ATP6V1H: variants seen among roughly 807,000 people sequenced by gnomAD.
ATP6V1H encodes ATPase H+ transporting V1 subunit H, also known as V-type proton ATPase subunit H.
ATP6V1H carries 39 observed loss-of-function variants against 71.7 expected under a neutral mutation model. The observed-to-expected ratio is 0.54, with a 90% CI of 0.42 to 0.71. The LOEUF (loss-of-function observed/expected upper bound fraction) is 0.71, where lower values mean the gene tolerates loss of function less well. Among genes scored for constraint, ATP6V1H ranks in the 30% least tolerant of loss-of-function variants. The pLI is 0.00. For synonymous variants in ATP6V1H, 192 were observed against 199.3 expected, an observed-to-expected ratio of 0.96 and a Z score of 0.31; for missense variants, 509 against 594.9, an observed-to-expected ratio of 0.86 and a Z score of 1.50.
chr8:53,814,088 G>C (rs983857830), intron 6 of ATP6V1H, among the ~76,000 whole-genome samples: 2 of 152,156 alleles, frequency 1.3e-5, no homozygotes, highest in African/African-American at 4.8e-5. Flanking sequence ...GTGGCACCCA[G>C]GACCAGTTTG....
At chr8:53,767,213 T>A (rs1314791341) in intron 11 of ATP6V1H, among the ~76,000 whole-genome samples, 2 of 152,222 alleles carry the variant, frequency 1.3e-5, no homozygotes, top group Non-Finnish European at 2.9e-5. Context: ...GCAAACTATG[T>A]ATGAATTTTA....
intron 13 of ATP6V1H, among the ~76,000 whole-genome samples, chr8:53,720,369 T>C (rs1234768437): frequency 6.6e-6 from 1 of 152,160 alleles, no homozygotes; most frequent in Non-Finnish European, 1.5e-5. Context: ...AGAGTTTACA[T>C]CTGATGAAGA....
intron 4 of ATP6V1H, among the ~76,000 whole-genome samples, chr8:53,820,296 A>G (rs866921156): frequency 5.3e-5 from 8 of 151,894 alleles, no homozygotes; most frequent in African/African-American, 9.7e-5. Flanking sequence ...GTTTAAAAAA[A>G]AAGAAGAAGA....
intron 9 of ATP6V1H, among the ~76,000 whole-genome samples, chr8:53,775,466 C>T (rs957465195): frequency 1.3e-5 from 2 of 152,140 alleles, no homozygotes; most frequent in Admixed American, 6.5e-5. Context: ...TTTGACAGGG[C>T]GCTGATTGGT....
At chr8:53,762,828 A>T (rs954090707) in intron 11 of ATP6V1H, among the ~76,000 whole-genome samples, 1 of 150,306 alleles carries the variant, frequency 6.7e-6, no homozygotes, top group Non-Finnish European at 1.5e-5. Flanking sequence ...GTCCACTTAC[A>T]CATGGATTTT....
chr8:53,798,873 T>C (rs72655186), intron 8 of ATP6V1H, among the ~76,000 whole-genome samples: 4,118 of 152,276 alleles, frequency 0.027, 79 homozygotes, highest in Non-Finnish European at 0.037. Flanking sequence ...TTTATCCTGA[T>C]CTTTTTGCTG....
At chr8:53,804,924 A>C (rs1027224395) in intron 7 of ATP6V1H, among the ~76,000 whole-genome samples, 3 of 152,212 alleles carry the variant, frequency 2.0e-5, no homozygotes, top group Non-Finnish European at 4.4e-5. Context: ...TATTACAGTG[A>C]AAGTCACAAC....
chr8:53,775,801 A>G (rs1382651088), intron 9 of ATP6V1H, among the ~76,000 whole-genome samples: 1 of 152,240 alleles, frequency 6.6e-6, no homozygotes, highest in Non-Finnish European at 1.5e-5. Context: ...AAGACTCTCC[A>G]CGTCCCCACC....
intron 9 of ATP6V1H, among the ~76,000 whole-genome samples, chr8:53,791,636 A>G (rs1809567072): frequency 6.6e-6 from 1 of 152,216 alleles, no homozygotes; most frequent in Non-Finnish European, 1.5e-5. Flanking sequence ...CACTTCCAAG[A>G]TAACTATTCC....
At position 53,841,663 on chromosome 8, in the gene ATP6V1H, C is replaced by T; in HGVS notation, c.28G>A (p.Val10Met). The stretch of plus-strand genomic sequence containing the variant: ...ATATTGGTGGGGACAGCAGCATCCA[C>T]AGCACCTCGGATATCCATTTTGGTC... MTKMDIRGAVDAAVPTNIIA... is the reference protein window; with the variant it reads MTKMDIRGAMDAAVPTNIIA... The change falls in exon 2 of 14, where the codon GTG becomes ATG. Residue 10 changes from valine (V) to methionine (M), a missense_variant. By Grantham distance (21) the Val-to-Met change is conservative. Coordinates refer to ENST00000359530, the MANE Select transcript of ATP6V1H (RefSeq NM_015941.4). 6.2e-7 allele frequency: 1 copy of T among 1,614,076 alleles called. No homozygotes were observed.
chr8:53,724,645 G>T (rs546107772), intron 13 of ATP6V1H, among the ~76,000 whole-genome samples: 1 of 139,572 alleles, frequency 7.2e-6, no homozygotes, highest in Non-Finnish European at 1.5e-5. Context: ...CCCCAGGGAC[G>T]GCAGTGCGCT....
At chr8:53,762,671 T>C (rs1721531786) in intron 11 of ATP6V1H, among the ~76,000 whole-genome samples, 1 of 152,052 alleles carries the variant, frequency 6.6e-6, no homozygotes, top group African/African-American at 2.4e-5. Flanking sequence ...CACATTTGCA[T>C]AGGAGAGGTT....
In ATP6V1H at chr8:53,780,324, C is replaced by T. The variant is rs534775078; in HGVS notation, c.871-8157G>A. On this transcript the variant is annotated intron_variant, in intron 9 of 13. Coordinates refer to ENST00000359530, the MANE Select transcript of ATP6V1H (RefSeq NM_015941.4). ...CAAAGATTAGTCATTTTTGATTTTC[C>T]CTTTTTCGTCAACTTTGTCAAATCA... Among the ~76,000 whole-genome samples, 3 of 152,076 alleles carry T rather than the reference C, an allele frequency of 2.0e-5. No individual in the cohort carries two copies. The South Asian group carries it at 6.2e-4, about 32-fold the overall frequency.
At position 53,766,904 on chromosome 8, in the gene ATP6V1H, T is replaced by C. The variant is rs572727245; in HGVS notation, c.1175+2714A>G. On this transcript the variant is annotated intron_variant, in intron 11 of 13. Transcript: ENST00000359530. The stretch of plus-strand genomic sequence containing the variant: ...CCTTAGTCCTGTGGTCCTGTGATCT[T>C]GCCCTGCCTCCACTGGCCTTGTGAT... 2.2e-3 allele frequency among the ~76,000 whole-genome samples: 334 copies of C among 152,338 alleles called. 1 individual carries two copies. Among genetic ancestry groups the C allele is most frequent in the African/African-American group, 7.8e-3 (323 of 41,578 alleles).
At chr8:53,819,787 T>C (rs1215878193) in intron 4 of ATP6V1H, among the ~76,000 whole-genome samples, 1 of 146,276 alleles carries the variant, frequency 6.8e-6, no homozygotes, top group Non-Finnish European at 1.5e-5. Flanking sequence ...TATATATATA[T>C]GCTTTGTATA....
At chr8:53,746,819 A>C (rs1222515626) in intron 12 of ATP6V1H, among the ~76,000 whole-genome samples, 3 of 152,226 alleles carry the variant, frequency 2.0e-5, no homozygotes, top group Non-Finnish European at 4.4e-5. Context: ...ATTACAAAAT[A>C]TCATTAAAAA....
At chr8:53,723,684 C>T (rs902621887) in intron 13 of ATP6V1H, among the ~76,000 whole-genome samples, 1 of 152,194 alleles carries the variant, frequency 6.6e-6, no homozygotes, top group Non-Finnish European at 1.5e-5. Context: ...AGCTCTCCCC[C>T]ACACTTCCTC....
chr8:53,783,727 T>C (rs1405851526), intron 9 of ATP6V1H, among the ~76,000 whole-genome samples: 1 of 152,224 alleles, frequency 6.6e-6, no homozygotes, highest in South Asian at 2.1e-4. Flanking sequence ...GTCCCAGAGA[T>C]TCTGGTATGT....
intron 13 of ATP6V1H, among the ~76,000 whole-genome samples, chr8:53,734,184 C>T (rs916281103): frequency 2.0e-5 from 3 of 152,212 alleles, no homozygotes; most frequent in Admixed American, 2.0e-4. Context: ...AAAATCCCCA[C>T]ATAACCATTG....
Sources: allele counts gnomAD v4.1 joint callset (sites outside exome capture counted in the v4.1 genomes callset), GRCh38; gene constraint gnomAD v4.1.1; transcripts MANE v1.5; gene names NCBI Gene and HGNC (gene_info 2026-07-23, HGNC 2026-07-21).